The following SMG5 variants were observed in gnomAD, a reference collection of about 807,000 sequenced individuals.
The protein encoded by SMG5 is nonsense-mediated mRNA decay factor SMG5.
SMG5 carries 53 observed loss-of-function variants against 122.9 expected under a neutral mutation model. The observed-to-expected ratio is 0.43, with a 90% CI of 0.35 to 0.54. The LOEUF is 0.54. SMG5 is among the 20% of genes least tolerant of loss of function. SMG5 has a pLI of 0.01. For missense variants in SMG5, 1,153 were observed against 1,285.6 expected, an observed-to-expected ratio of 0.90 and a Z score of 1.58; for synonymous variants, 477 against 490.2, an observed-to-expected ratio of 0.97 and a Z score of 0.35.
chr1:156,272,346 C>A lies in SMG5; in HGVS notation c.687G>T (p.Val229=). 6.2e-7 allele frequency: 1 copy of A among 1,600,796 alleles called. No individual in the cohort carries two copies. The part of the protein sequence containing the change: ...GTLAGSKYYN[V]EAMYCYLRCI... Reference sequence around the variant, plus strand: ...AGCGCAGGTAGCAATACATGGCTTCCACATTATAGTACTTGCTGCCTGCCA... The same window carrying A: ...AGCGCAGGTAGCAATACATGGCTTCAACATTATAGTACTTGCTGCCTGCCA... The change falls in exon 7 of 22, where the codon GTG becomes GTT. Residue 229 remains valine, a synonymous_variant. Transcript: ENST00000361813.
Position 156,253,158 on chromosome 1 carries a change from C to T in SMG5, c.2503-80G>A, listed in dbSNP as rs968357832. ...GGGGGAAGAGTGGTGCTCAAGGTGG[C>T]TCTATGGGGCTCCTCCTGTTGTTAA... is the stretch of plus-strand genomic sequence containing the variant. On this transcript the variant is annotated intron_variant, in intron 17 of 21. Coordinates refer to ENST00000361813, the MANE Select transcript of SMG5 (RefSeq NM_015327.3). 8 of 1,430,932 alleles carry T rather than the reference C, an allele frequency of 5.6e-6. No individual in the cohort carries two copies. The African/African-American group carries it at 8.5e-5, about 15-fold the overall frequency. The allele number at this position is 1,430,932 out of a possible 1,614,324, so 88.6% of individuals were successfully genotyped here.
At chr1:156,266,825 T>G in intron 10 of SMG5, 147 bp from the exon 11 acceptor site, 1 of 1,092,702 alleles carries the variant, frequency 9.2e-7, no homozygotes, top group Non-Finnish European at 1.3e-6. Flanking sequence ...TTTAACTTTT[T>G]AGAGACAAGA....
intron 16 of SMG5, among the ~76,000 whole-genome samples, chr1:156,254,251 T>G (rs1298856368): frequency 6.6e-6 from 1 of 152,190 alleles, no homozygotes; most frequent in Non-Finnish European, 1.5e-5. Context: ...TCAATCCCTC[T>G]TCTCCACCTA....
At chr1:156,272,858 C>A (rs890232631) in intron 6 of SMG5, among the ~76,000 whole-genome samples, 4 of 152,094 alleles carry the variant, frequency 2.6e-5, no homozygotes, top group African/African-American at 9.7e-5. Flanking sequence ...AGCCACCGCG[C>A]CCGGCCTACT....
At chr1:156,291,503 G>T in the SMG5 span, 2 of 1,612,244 alleles carry the variant, frequency 1.2e-6, no homozygotes, top group South Asian at 1.1e-5. Context: ...GTTCGTGGTG[G>T]AGCCGGAGCG....
chr1:156,279,175 A>G (rs1572600888), intron 1 of SMG5, 141 bp from the exon 2 acceptor site: 2 of 705,732 alleles, frequency 2.8e-6, no homozygotes, highest in Admixed American at 2.4e-5. Context: ...GCTCTGTACA[A>G]AACAAGATGA....
intron 12 of SMG5, among the ~76,000 whole-genome samples, chr1:156,264,267 C>CAAAAAAAAAAAAAAAAAAAAAAAAA (rs1205363773): frequency 1.9e-5 from 1 of 53,978 alleles, no homozygotes; most frequent in African/African-American, 8.1e-5. Context: ...GACTCCGTCT[C>CAAAAAAAAAAAAAAAAAAAAAAAAA]AAAAAAAAAA....
At chr1:156,285,634 C>T, upstream of SMG5, 1 of 1,614,090 alleles carries the variant, frequency 6.2e-7, no homozygotes, top group South Asian at 1.1e-5. Context: ...ACCTACAGTG[C>T]ATTGAGCGGC....
the SMG5 span, among the ~76,000 whole-genome samples, chr1:156,288,427 C>T: frequency 6.6e-6 from 1 of 151,878 alleles, no homozygotes; most frequent in East Asian, 1.9e-4. Flanking sequence ...CTTCTGTCTC[C>T]AGGCTCAAGC....
intron 13 of SMG5, 67 bp from the exon 14 acceptor site, chr1:156,261,475 G>C (rs759328): frequency 0.23 from 313,911 of 1,346,572 alleles, 38,183 homozygotes; most frequent in Admixed American, 0.37. Context: ...AGTGAGCAAG[G>C]AAAGCACCAC....
the SMG5 span, among the ~76,000 whole-genome samples, chr1:156,288,120 C>G: frequency 6.7e-6 from 1 of 148,316 alleles, no homozygotes; most frequent in Non-Finnish European, 1.5e-5. Context: ...GAGGCTGAGG[C>G]AGGAGAATGG....
Position 156,260,607 on chromosome 1 carries a change from C to G in SMG5, c.2127G>C (p.Glu709Asp). 5 of 1,514,028 alleles carry G rather than the reference C, an allele frequency of 3.3e-6. No individual in the cohort carries two copies. The highest frequency in any genetic ancestry group is 3.5e-6 in the Non-Finnish European group (4 of 1,135,836). 93.8% of individuals were successfully genotyped at this position (1,514,028 alleles called of 1,614,324 possible). A position where few individuals can be genotyped will look rare whatever the true frequency, so the allele number is the denominator to read the frequency against. Residue 709 changes from glutamate to aspartate, a missense_variant, in exon 15 of 22, where the codon GAG becomes GAC. Transcript: ENST00000361813. The part of the protein sequence containing the change: ...LQESGLALCP[E>D]VQDLLEGCEL... ...CACAACCTTCAAGAAGATCTTGGAC[C>G]TCAGGACACAAGGCCAGGCCTGGGC... is the stretch of plus-strand genomic sequence containing the variant.
At chr1:156,274,749 A>C in intron 4 of SMG5, 63 bp from the exon 5 acceptor site, 1 of 1,346,660 alleles carries the variant, frequency 7.4e-7, no homozygotes, top group Non-Finnish European at 1.1e-6. Flanking sequence ...CCTATGAAGA[A>C]ATACCCCTCC....
the SMG5 span, among the ~76,000 whole-genome samples, chr1:156,287,976 A>G: frequency 6.6e-6 from 1 of 151,372 alleles, no homozygotes; most frequent in African/African-American, 2.4e-5. Context: ...GTACTTTGGG[A>G]GGCGGAGGCG....
upstream of SMG5, chr1:156,286,162 C>A: frequency 7.2e-7 from 1 of 1,384,570 alleles, no homozygotes; most frequent in Non-Finnish European, 1.0e-6. Flanking sequence ...CTGTGTAGAG[C>A]CCATGCACTG....
chr1:156,270,465 T>C (rs1489048338), intron 7 of SMG5, among the ~76,000 whole-genome samples: 1 of 152,210 alleles, frequency 6.6e-6, no homozygotes, highest in Non-Finnish European at 1.5e-5. Context: ...TGAATACCAA[T>C]GACTAACCCT....
intron 2 of SMG5, among the ~76,000 whole-genome samples, chr1:156,278,293 GCT>G (rs1033290817): frequency 6.6e-6 from 1 of 151,642 alleles, no homozygotes; most frequent in African/African-American, 2.4e-5. Flanking sequence ...TGTACACTTC[GCT>G]CTCTTTTTCT....
upstream of SMG5, chr1:156,285,173 G>A (rs1663113616): frequency 6.6e-7 from 1 of 1,509,812 alleles, no homozygotes; most frequent in African/African-American, 1.4e-5. Context: ...GCTTTCCTCT[G>A]TTCCCTGCAG....
At chr1:156,266,461 C>T (rs1487412960) in intron 11 of SMG5, 80 bp downstream of exon 11, 3 of 1,605,706 alleles carry the variant, frequency 1.9e-6, no homozygotes, top group Admixed American at 1.7e-5. Context: ...ACACCACTTC[C>T]CCCGAGTCTG....
Sources: allele counts gnomAD v4.1 joint callset (sites outside exome capture counted in the v4.1 genomes callset), GRCh38; gene constraint gnomAD v4.1.1; transcripts MANE v1.5; gene names NCBI Gene and HGNC (gene_info 2026-07-23, HGNC 2026-07-21).